ZMYND11: variants seen among roughly 807,000 people sequenced by gnomAD.
ZMYND11 encodes zinc finger MYND-type containing 11, also known as zinc finger MYND domain-containing protein 11.
ZMYND11 carries 9 observed loss-of-function variants against 84.9 expected under a neutral mutation model. That is an observed-to-expected ratio of 0.11 (90% CI 0.06 to 0.18). The LOEUF (loss-of-function observed/expected upper bound fraction) is 0.18. Among genes scored for constraint, ZMYND11 ranks in the 10% least tolerant of loss-of-function variants. The pLI, the probability that ZMYND11 is intolerant of heterozygous loss-of-function variation, is 1.00. For missense variants in ZMYND11, 409 were observed against 761.0 expected (o/e 0.54, Z 5.44); for synonymous variants, 250 against 244.1 (o/e 1.02, Z -0.23).
chr10:238,652 G>A (rs1467152572), intron 6 of ZMYND11, among the ~76,000 whole-genome samples: 9 of 152,128 alleles, frequency 5.9e-5, no homozygotes, highest in East Asian at 1.9e-4. Flanking sequence ...CACCGCGCCC[G>A]GCCACAAGTT....
chr10:141,609 G>C (rs1837515351), intron 1 of ZMYND11, among the ~76,000 whole-genome samples: 1 of 152,174 alleles, frequency 6.6e-6, no homozygotes, highest in South Asian at 2.1e-4. Context: ...CAACCTGAGG[G>C]TTTTTAAAGC....
rs184643635 is a variant in ZMYND11 at position 150,219 on chromosome 10, T to A, written c.-20+14660T>A. 1.4e-3 allele frequency among the ~76,000 whole-genome samples: 213 copies of A among 152,314 alleles called. 1 individual carries two copies. The highest frequency in any genetic ancestry group is 4.2e-3 in the African/African-American group (174 of 41,582). ...CTCCTCCTTGTACTTCTGGTAGAAT[T>A]TGGCTGTGAATCCGTCTGGTCCTGG... On this transcript the variant is annotated intron_variant, in intron 1 of 14. Transcript: ENST00000381604.
At chr10:184,868 G>A (rs573440823) in intron 2 of ZMYND11, among the ~76,000 whole-genome samples, 79 of 151,278 alleles carry the variant, frequency 5.2e-4, no homozygotes, top group African/African-American at 1.7e-3. Context: ...TTTTTCCTGA[G>A]ATTTCCTGGG....
intron 2 of ZMYND11, among the ~76,000 whole-genome samples, chr10:187,007 C>A (rs530787038): frequency 6.6e-6 from 1 of 152,086 alleles, no homozygotes; most frequent in East Asian, 1.9e-4. Flanking sequence ...ATTGGGGGAT[C>A]GCTTGAGAGT....
chr10:165,427 T>C (rs1466595710), intron 1 of ZMYND11, among the ~76,000 whole-genome samples: 1 of 152,048 alleles, frequency 6.6e-6, no homozygotes, highest in African/African-American at 2.4e-5. Flanking sequence ...CTCACAAATC[T>C]TCAGCATATA....
At chr10:178,770 G>A (rs922196285) in intron 1 of ZMYND11, among the ~76,000 whole-genome samples, 9 of 152,166 alleles carry the variant, frequency 5.9e-5, no homozygotes, top group African/African-American at 2.2e-4. Flanking sequence ...AATGTATTCT[G>A]ATGGTGGTGT....
At chr10:183,568 A>G (rs1588721363) in intron 2 of ZMYND11, among the ~76,000 whole-genome samples, 2 of 152,234 alleles carry the variant, frequency 1.3e-5, no homozygotes, top group African/African-American at 4.8e-5. Context: ...CTATAAGGAC[A>G]TAGCTTCCCA....
intron 4 of ZMYND11, among the ~76,000 whole-genome samples, chr10:224,856 A>C (rs188923497): frequency 7.2e-5 from 11 of 152,316 alleles, no homozygotes; most frequent in Admixed American, 2.0e-4. Flanking sequence ...CAAAGGTGAC[A>C]TATGCAAATG....
intron 10 of ZMYND11, among the ~76,000 whole-genome samples, chr10:243,415 TAAG>T (rs1951451611): frequency 6.6e-6 from 1 of 152,238 alleles, no homozygotes; most frequent in Non-Finnish European, 1.5e-5. Flanking sequence ...TACTAATAGG[TAAG>T]AATAATCTGA....
intron 3 of ZMYND11, among the ~76,000 whole-genome samples, chr10:217,118 T>C (rs575459956): frequency 5.7e-5 from 1 of 17,540 alleles, no homozygotes; most frequent in East Asian, 1.8e-3. Flanking sequence ...GATTATACTT[T>C]AGAACACTAT....
chr10:251,914 A>T (rs1953571136), intron 14 of ZMYND11, among the ~76,000 whole-genome samples: 1 of 152,190 alleles, frequency 6.6e-6, no homozygotes, highest in African/African-American at 2.4e-5. Context: ...CCCTGCTAGC[A>T]GCATATTAGT....
chr10:202,693 A>G (rs1943439353), intron 2 of ZMYND11, among the ~76,000 whole-genome samples: 1 of 152,166 alleles, frequency 6.6e-6, no homozygotes, highest in Non-Finnish European at 1.5e-5. Context: ...GGGCTCCCTC[A>G]TTCCAACCTG....
chr10:224,482 T>G (rs972061234), intron 4 of ZMYND11, among the ~76,000 whole-genome samples: 1 of 152,214 alleles, frequency 6.6e-6, no homozygotes, highest in Non-Finnish European at 1.5e-5. Flanking sequence ...TTAAATACTG[T>G]CCAGTTTCAC....
At chr10:203,165 A>G (rs1196741093) in intron 2 of ZMYND11, among the ~76,000 whole-genome samples, 1 of 152,198 alleles carries the variant, frequency 6.6e-6, no homozygotes, top group African/African-American at 2.4e-5. Context: ...CTAAAACAAG[A>G]TAAGGATACC....
rs879168946 is a variant in ZMYND11 at position 221,118 on chromosome 10, A to T, written c.277-77A>T. ...TTATGATGCCTAACTTCTGATGGAC[A>T]TTAGTTTCAATTTTGTTCTTAGTCA... On this transcript the variant is annotated intron_variant, in intron 3 of 14. Transcript: ENST00000381604. The T allele has an allele frequency of 1.0e-5, 13 of 1,290,728 alleles. No individual in the cohort carries two copies. The South Asian group carries it at 1.7e-4, about 17-fold the overall frequency. 80.0% of individuals were successfully genotyped at this position (1,290,728 alleles called of 1,614,324 possible).
intron 1 of ZMYND11, among the ~76,000 whole-genome samples, chr10:137,467 A>G (rs1400336549): frequency 2.0e-5 from 3 of 152,232 alleles, no homozygotes; most frequent in Non-Finnish European, 2.9e-5. Flanking sequence ...AAAAGCAGAA[A>G]GTAAATGTTT....
chr10:237,745 A>G, intron 6 of ZMYND11, 68 bp downstream of exon 6: 1 of 1,249,588 alleles, frequency 8.0e-7, no homozygotes. Flanking sequence ...AGAATAATGT[A>G]GCAGTTAAGC....
At chr10:163,428 C>G (rs533236152) in intron 1 of ZMYND11, among the ~76,000 whole-genome samples, 2 of 151,918 alleles carry the variant, frequency 1.3e-5, no homozygotes, top group South Asian at 2.1e-4. Flanking sequence ...ATGTATTTTT[C>G]TTGTCTCCTA....
At chr10:155,348 T>C (rs1178046515) in intron 1 of ZMYND11, among the ~76,000 whole-genome samples, 2 of 152,110 alleles carry the variant, frequency 1.3e-5, no homozygotes, top group East Asian at 1.9e-4. Context: ...AATATTCTTA[T>C]GGTATATAAA....
Sources: allele counts gnomAD v4.1 joint callset (sites outside exome capture counted in the v4.1 genomes callset), GRCh38; gene constraint gnomAD v4.1.1; transcripts MANE v1.5; gene names NCBI Gene and HGNC (gene_info 2026-07-23, HGNC 2026-07-21).